The following FAM78B variants were observed in gnomAD, a reference collection of about 807,000 sequenced individuals.
FAM78B encodes protein FAM78B.
In FAM78B, 10 loss-of-function variants were observed where a neutral mutation model predicts 20.0. The ratio of observed to expected loss-of-function variants is 0.50; its 90% CI spans 0.31 to 0.85. The LOEUF is 0.85. Ranked by LOEUF, FAM78B falls within the 40% of genes least tolerant of loss-of-function variation. The pLI, the probability that FAM78B is intolerant of heterozygous loss-of-function variation, is 0.05. For synonymous variants in FAM78B, 135 were observed against 132.8 expected, an observed-to-expected ratio of 1.02 and a Z score of -0.12; for missense variants, 283 against 345.0, an observed-to-expected ratio of 0.82 and a Z score of 1.42.
chr1:166,069,018 A>C (rs1651907459), downstream of FAM78B, among the ~76,000 whole-genome samples: 1 of 152,152 alleles, frequency 6.6e-6, no homozygotes, highest in South Asian at 2.1e-4. Context: ...AGTAGCTTAG[A>C]TTTTCTTTGA....
chr1:166,116,698 T>C (rs1353615958), intron 1 of FAM78B, among the ~76,000 whole-genome samples: 1 of 152,208 alleles, frequency 6.6e-6, no homozygotes, highest in Non-Finnish European at 1.5e-5. Flanking sequence ...TCCAGTGTAT[T>C]TTTTCCAATT....
intron 1 of FAM78B, among the ~76,000 whole-genome samples, chr1:166,096,257 G>C (rs771890531): frequency 6.6e-6 from 1 of 152,148 alleles, no homozygotes; most frequent in South Asian, 2.1e-4. Context: ...CTTGGGTCTT[G>C]GAGTTCTACT....
chr1:166,089,196 C>G (rs1652963289), intron 1 of FAM78B, among the ~76,000 whole-genome samples: 1 of 152,182 alleles, frequency 6.6e-6, no homozygotes, highest in Non-Finnish European at 1.5e-5. Context: ...GAAACTAGGT[C>G]TCTGCTATAG....
At chr1:166,141,135 C>T (rs1170172356) in intron 1 of FAM78B, among the ~76,000 whole-genome samples, 2 of 152,238 alleles carry the variant, frequency 1.3e-5, no homozygotes, top group South Asian at 2.1e-4. Context: ...GGCTCACCTG[C>T]CGTAGTCCAG....
At position 166,149,572 on chromosome 1, in the gene FAM78B, A is replaced by G. The variant is rs574236519; in HGVS notation, c.263+16414T>C. On this transcript the variant is annotated intron_variant, in intron 1 of 1. Coordinates refer to ENST00000354422, the MANE Select transcript of FAM78B (RefSeq NM_001017961.5). ...CGTAAACCTGCTGAATCAGTTCAGC[A>G]TGCAGAGCCTTGGTTTTCTCTCATT... 4.6e-5 allele frequency among the ~76,000 whole-genome samples: 7 copies of G among 152,362 alleles called. No homozygotes were observed. The East Asian group carries it at 1.3e-3, about 29-fold the overall frequency.
chr1:166,162,154 G>C (rs548256917), intron 1 of FAM78B, among the ~76,000 whole-genome samples: 225 of 152,272 alleles, frequency 1.5e-3, no homozygotes, highest in African/African-American at 5.1e-3. Context: ...TGAGGGATTC[G>C]GCAACATGGA....
intron 1 of FAM78B, among the ~76,000 whole-genome samples, chr1:166,108,501 A>G (rs1253830495): frequency 6.6e-6 from 1 of 152,188 alleles, no homozygotes; most frequent in Non-Finnish European, 1.5e-5. Context: ...CTGCTGAAAG[A>G]GATCATAGAT....
intron 1 of FAM78B, among the ~76,000 whole-genome samples, chr1:166,151,390 T>C (rs73046931): frequency 5.4e-4 from 82 of 152,348 alleles, no homozygotes; most frequent in African/African-American, 2.0e-3. Context: ...TTCTAGATTC[T>C]AATTCTGATG....
chr1:166,078,875 G>A (rs1481343503), intron 1 of FAM78B, among the ~76,000 whole-genome samples: 3 of 151,972 alleles, frequency 2.0e-5, no homozygotes, highest in Non-Finnish European at 4.4e-5. Context: ...TGAAATCTGC[G>A]GCAGTACTAC....
chr1:166,142,588 C>T (rs760686938), intron 1 of FAM78B, among the ~76,000 whole-genome samples: 37 of 152,182 alleles, frequency 2.4e-4, no homozygotes, highest in Admixed American at 1.8e-3. Context: ...AAACTGGTTT[C>T]GTTTGTGATT....
In FAM78B at chr1:166,093,385, C is replaced by T. The variant is rs80217663; in HGVS notation, c.264-22622G>A. Among the ~76,000 whole-genome samples the T allele has an allele frequency of 9.9e-5, 15 of 152,228 alleles. No individual in the cohort carries two copies. The East Asian group carries it at 2.7e-3, about 28-fold the overall frequency. ...CAAGCAGAGGTTCCAAGTTCCTGCC[C>T]TTCCCATTGCTCCCACCAGGAAACA... On this transcript the variant is annotated intron_variant, in intron 1 of 1. Transcript: ENST00000354422.
chr1:166,142,858 C>T (rs1001576270), intron 1 of FAM78B, among the ~76,000 whole-genome samples: 6 of 152,186 alleles, frequency 3.9e-5, no homozygotes, highest in Non-Finnish European at 7.3e-5. Flanking sequence ...AGGAATTGTG[C>T]TCTTGCCCTG....
chr1:166,075,395 ATCAC>A (rs1652227653), intron 1 of FAM78B, among the ~76,000 whole-genome samples: 1 of 152,166 alleles, frequency 6.6e-6, no homozygotes, highest in African/African-American at 2.4e-5. Context: ...AACAAAAAGA[ATCAC>A]TCAGAAGAGG....
chr1:166,060,565 G>A, exon 3 of FAM78B: 3 of 1,259,276 alleles, frequency 2.4e-6, no homozygotes, highest in Non-Finnish European at 3.1e-6. Context: ...GCTGTCCAGG[G>A]ATTCAGCTTC....
intron 1 of FAM78B, among the ~76,000 whole-genome samples, chr1:166,151,334 C>T (rs1655667832): frequency 6.6e-6 from 1 of 152,162 alleles, no homozygotes. Flanking sequence ...TGAAAACATT[C>T]CAAGATTTTC....
intron 1 of FAM78B, among the ~76,000 whole-genome samples, chr1:166,100,393 G>A (rs1164504122): frequency 5.9e-5 from 9 of 152,224 alleles, no homozygotes; most frequent in Admixed American, 1.3e-4. Flanking sequence ...GCAGGGCAAG[G>A]CATTGCCTCA....
At chr1:166,106,722 G>A (rs1043694380) in intron 1 of FAM78B, among the ~76,000 whole-genome samples, 5 of 152,128 alleles carry the variant, frequency 3.3e-5, no homozygotes, top group Non-Finnish European at 7.4e-5. Context: ...CTACTTGGAG[G>A]GGGAGAGAGG....
In FAM78B at chr1:166,090,152, ATCT is replaced by A. The variant is rs968886297; in HGVS notation, c.264-19392_264-19390del. 5.9e-5 allele frequency among the ~76,000 whole-genome samples: 9 copies of A among 152,298 alleles called. No homozygotes were observed. In the East Asian group the frequency reaches 7.7e-4, roughly 13 times the overall value. The stretch of plus-strand genomic sequence containing the variant: ...GCTCCTGTCCTCCCAGAGCCCTGTA[ATCT>A]TCTTCCCAGTGTCTACTTTCTGGCC... On this transcript the variant is annotated intron_variant, in intron 1 of 1. Coordinates refer to ENST00000354422, the MANE Select transcript of FAM78B (RefSeq NM_001017961.5).
intron 1 of FAM78B, among the ~76,000 whole-genome samples, chr1:166,153,395 T>C (rs16856657): frequency 0.024 from 3,614 of 152,236 alleles, 162 homozygotes; most frequent in African/African-American, 0.083. Context: ...CCGGTAGAAC[T>C]TGGGATGGAC....
Sources: allele counts gnomAD v4.1 joint callset (sites outside exome capture counted in the v4.1 genomes callset), GRCh38; gene constraint gnomAD v4.1.1; transcripts MANE v1.5; gene names NCBI Gene and HGNC (gene_info 2026-07-23, HGNC 2026-07-21).